The following PEAK1 variants were observed in gnomAD, a reference collection of about 807,000 sequenced individuals.
PEAK1 encodes inactive tyrosine-protein kinase PEAK1.
In PEAK1, 54 loss-of-function variants were observed where a neutral mutation model predicts 124.7. The ratio of observed to expected loss-of-function variants is 0.43; its 90% CI spans 0.35 to 0.54. The LOEUF is 0.54. Among genes scored for constraint, PEAK1 ranks in the 20% least tolerant of loss-of-function variants. The pLI is 0.01. For synonymous variants in PEAK1, 719 were observed against 760.0 expected (o/e 0.95, Z 0.89); for missense variants, 2,046 against 2,134.5 (o/e 0.96, Z 0.82).
intron 6 of PEAK1, among the ~76,000 whole-genome samples, chr15:77,201,887 A>G (rs2058380891): frequency 6.6e-6 from 1 of 152,180 alleles, no homozygotes; most frequent in Admixed American, 6.5e-5. Context: ...ATTGTATCTT[A>G]AAGACAGAAG....
At chr15:77,264,497 A>T (rs1391986303) in intron 5 of PEAK1, among the ~76,000 whole-genome samples, 2 of 152,218 alleles carry the variant, frequency 1.3e-5, no homozygotes, top group South Asian at 2.1e-4. Context: ...GTGAACTCCC[A>T]TTCACAATTG....
chr15:77,403,897 C>CT, intron 1 of PEAK1: 1 of 984,570 alleles, frequency 1.0e-6, no homozygotes, highest in Non-Finnish European at 1.2e-6. Flanking sequence ...AACAGAATGA[C>CT]TTTTTTTAAT....
intron 2 of PEAK1, chr15:77,348,727 A>AAACCCAAG (rs1364500911): frequency 2.0e-6 from 2 of 984,396 alleles, no homozygotes; most frequent in African/African-American, 3.5e-5. Flanking sequence ...CACCAAAGTC[A>AAACCCAAG]GCCAGCTTCT....
chr15:77,205,323 C>T (rs2152853114), intron 6 of PEAK1, among the ~76,000 whole-genome samples: 1 of 149,030 alleles, frequency 6.7e-6, no homozygotes, highest in African/African-American at 2.5e-5. Flanking sequence ...TTTGGTACAA[C>T]AGAAGATGGT....
intron 6 of PEAK1, among the ~76,000 whole-genome samples, chr15:77,219,279 A>G (rs2059281262): frequency 6.6e-6 from 1 of 152,154 alleles, no homozygotes; most frequent in Non-Finnish European, 1.5e-5. Flanking sequence ...GAGATGATTC[A>G]GCAATGATTG....
At position 77,332,246 on chromosome 15, in the gene PEAK1, G is replaced by T. The variant is rs2065932364; in HGVS notation, c.-603+32917C>A. On this transcript the variant is annotated intron_variant, in intron 2 of 9. Transcript: ENST00000682557. ...CTTTTTTGACAAAACACAAAAAGTT[G>T]ATTTTTTTCCCCCTGAAACTAAACA... 5 of 984,592 alleles carry T rather than the reference G, an allele frequency of 5.1e-6. No homozygotes were observed. In the South Asian group the frequency reaches 1.9e-4, roughly 37 times the overall value. 61.0% of individuals were successfully genotyped at this position (984,592 alleles called of 1,614,324 possible). A position where few individuals can be genotyped will look rare whatever the true frequency, so the allele number is the denominator to read the frequency against.
In PEAK1 at chr15:77,109,685, T is replaced by C. The variant is rs2050875287; in HGVS notation, c.*4471A>G. On this transcript the variant is annotated 3_prime_UTR_variant, in exon 10 of 10. Coordinates refer to ENST00000682557, the MANE Select transcript of PEAK1 (RefSeq NM_001385026.1). ...GCACAGCACTTTGGGCCTTTGAGAA[T>C]ATGAGCTTCGATGACATAAAGCTAA... The C allele has an allele frequency of 1.3e-5, 2 of 152,202 alleles. No individual in the cohort carries two copies. The highest frequency in any genetic ancestry group is 4.1e-4 in the South Asian group (2 of 4,828). The allele number at this position is 152,202 out of a possible 1,614,324, so 9.4% of individuals were successfully genotyped here. A position where few individuals can be genotyped will look rare whatever the true frequency, so the allele number is the denominator to read the frequency against.
chr15:77,211,848 C>CAAAAAA (rs34360713), intron 6 of PEAK1, among the ~76,000 whole-genome samples: 8 of 49,670 alleles, frequency 1.6e-4, no homozygotes, highest in South Asian at 8.7e-4. Flanking sequence ...AACTCCATCT[C>CAAAAAA]AAAAAAAAAA....
chr15:77,177,746 CTT>C (rs1480574465), intron 7 of PEAK1: 1 of 152,030 alleles, frequency 6.6e-6, no homozygotes, highest in Non-Finnish European at 1.5e-5. Flanking sequence ...TAGTCACAAA[CTT>C]GGGATAAAAG....
chr15:77,302,946 T>A (rs538420218), intron 2 of PEAK1, among the ~76,000 whole-genome samples: 5 of 152,272 alleles, frequency 3.3e-5, no homozygotes, highest in African/African-American at 1.2e-4. Flanking sequence ...TGCTCCCAAG[T>A]CCCTGGCAAC....
chr15:77,380,524 C>T (rs1171629137), intron 1 of PEAK1, among the ~76,000 whole-genome samples: 1 of 152,130 alleles, frequency 6.6e-6, no homozygotes, highest in Non-Finnish European at 1.5e-5. Flanking sequence ...TGCTACCCAG[C>T]CTAGAATGCA....
At chr15:77,327,938 C>T (rs535602038) in intron 2 of PEAK1, among the ~76,000 whole-genome samples, 7 of 152,100 alleles carry the variant, frequency 4.6e-5, no homozygotes, top group East Asian at 3.9e-4. Flanking sequence ...CACCCTGAAA[C>T]GGCAACAGTG....
At chr15:77,253,181 A>C (rs2060958301) in intron 5 of PEAK1, among the ~76,000 whole-genome samples, 1 of 148,928 alleles carries the variant, frequency 6.7e-6, no homozygotes, top group African/African-American at 2.4e-5. Context: ...GGATGTATAT[A>C]GATTATATGC....
chr15:77,152,372 C>G (rs1364360839), intron 8 of PEAK1, among the ~76,000 whole-genome samples: 1 of 151,940 alleles, frequency 6.6e-6, no homozygotes, highest in Non-Finnish European at 1.5e-5. Flanking sequence ...TGCTTATCAG[C>G]TTAAGGAGAT....
chr15:77,233,757 T>G (rs531527773), intron 6 of PEAK1, among the ~76,000 whole-genome samples: 1 of 152,380 alleles, frequency 6.6e-6, no homozygotes, highest in South Asian at 2.1e-4. Context: ...CAGTTCCTTC[T>G]TATAATTATT....
intron 2 of PEAK1, among the ~76,000 whole-genome samples, chr15:77,342,887 C>T (rs1033080595): frequency 6.6e-6 from 1 of 152,138 alleles, no homozygotes; most frequent in Non-Finnish European, 1.5e-5. Flanking sequence ...TACCTTCCAC[C>T]TCTTAGCTAT....
At chr15:77,176,634 A>G (rs2056894018) in intron 7 of PEAK1, among the ~76,000 whole-genome samples, 1 of 152,238 alleles carries the variant, frequency 6.6e-6, no homozygotes, top group Non-Finnish European at 1.5e-5. Flanking sequence ...AACTTCAAAA[A>G]ACGGATACAT....
intron 1 of PEAK1, among the ~76,000 whole-genome samples, chr15:77,409,522 T>C (rs1388062407): frequency 6.6e-6 from 1 of 152,176 alleles, no homozygotes; most frequent in African/African-American, 2.4e-5. Context: ...AACATGCTCA[T>C]GAAAGCCCAG....
intron 6 of PEAK1, among the ~76,000 whole-genome samples, chr15:77,221,673 A>G (rs1277583781): frequency 6.6e-6 from 1 of 152,132 alleles, no homozygotes; most frequent in African/African-American, 2.4e-5. Flanking sequence ...GCACACTATA[A>G]GAAAACCAGT....
Sources: allele counts gnomAD v4.1 joint callset (sites outside exome capture counted in the v4.1 genomes callset), GRCh38; gene constraint gnomAD v4.1.1; transcripts MANE v1.5; gene names NCBI Gene and HGNC (gene_info 2026-07-23, HGNC 2026-07-21).